THSD4: variants seen among roughly 807,000 people sequenced by gnomAD.
The protein encoded by THSD4 is thrombospondin type 1 domain containing 4.
Under a neutral mutation model 119.0 loss-of-function variants are expected in THSD4, and 69 were observed. The ratio of observed to expected loss-of-function variants is 0.58; its 90% confidence interval spans 0.48 to 0.71. The LOEUF (loss-of-function observed/expected upper bound fraction) is 0.71, where lower values mean the gene tolerates loss of function less well. Ranked by LOEUF, THSD4 falls within the 30% of genes least tolerant of loss-of-function variation. THSD4 has a pLI of 0.00. For missense variants in THSD4, 1,393 were observed against 1,391.1 expected, an observed-to-expected ratio of 1.00 and a Z score of -0.02; for synonymous variants, 524 against 540.4, an observed-to-expected ratio of 0.97 and a Z score of 0.42.
chr15:71,117,174 G>A (rs1395214378), intron 1 of THSD4, among the ~76,000 whole-genome samples: 1 of 152,168 alleles, frequency 6.6e-6, no homozygotes, highest in African/African-American at 2.4e-5. Flanking sequence ...TGGAACTCAT[G>A]TGATCTCCTC....
chr15:71,548,015 T>A (rs1250853252), intron 7 of THSD4, among the ~76,000 whole-genome samples: 2 of 152,118 alleles, frequency 1.3e-5, no homozygotes, highest in African/African-American at 2.4e-5. Context: ...TGTACCCAGA[T>A]GTACCTTAGC....
At chr15:71,380,654 C>T (rs1479364477) in intron 6 of THSD4, among the ~76,000 whole-genome samples, 2 of 152,072 alleles carry the variant, frequency 1.3e-5, no homozygotes, top group Non-Finnish European at 2.9e-5. Context: ...ATCATAGCCC[C>T]TGTTTTGGTT....
intron 7 of THSD4, among the ~76,000 whole-genome samples, chr15:71,659,751 C>T (rs776097045): frequency 4.6e-5 from 7 of 152,134 alleles, no homozygotes; most frequent in Admixed American, 1.3e-4. Flanking sequence ...ATGGTCCCAA[C>T]GGAAACATGA....
chr15:71,666,445 A>C (rs897773201), intron 8 of THSD4, among the ~76,000 whole-genome samples: 1 of 151,958 alleles, frequency 6.6e-6, no homozygotes, highest in South Asian at 2.1e-4. Flanking sequence ...CCCCTAAGTT[A>C]TTTTTCCTGA....
At chr15:71,768,207 T>C (rs1393129283) in intron 16 of THSD4, among the ~76,000 whole-genome samples, 1 of 151,978 alleles carries the variant, frequency 6.6e-6, no homozygotes, top group African/African-American at 2.4e-5. Context: ...GATCTGAGCA[T>C]TGCACATCAG....
intron 7 of THSD4, among the ~76,000 whole-genome samples, chr15:71,513,809 T>C (rs1283196658): frequency 6.6e-6 from 1 of 152,158 alleles, no homozygotes; most frequent in Non-Finnish European, 1.5e-5. Context: ...AATAGATAAG[T>C]TGTGGCTTCT....
At chr15:71,315,768 T>A (rs766522526) in intron 6 of THSD4, among the ~76,000 whole-genome samples, 1 of 152,196 alleles carries the variant, frequency 6.6e-6, no homozygotes, top group Admixed American at 6.5e-5. Context: ...CTGTCCTTGC[T>A]GTGAAGGAGG....
At chr15:71,322,195 C>G (rs548041663) in intron 6 of THSD4, among the ~76,000 whole-genome samples, 1 of 152,230 alleles carries the variant, frequency 6.6e-6, no homozygotes, top group South Asian at 2.1e-4. Context: ...CCCTTGGTCT[C>G]CTGATTTGTA....
At chr15:71,291,781 A>C (rs1196179293) in intron 6 of THSD4, among the ~76,000 whole-genome samples, 1 of 152,162 alleles carries the variant, frequency 6.6e-6, no homozygotes, top group East Asian at 1.9e-4. Context: ...TCTGACATCT[A>C]TCCATTTTTC....
intron 6 of THSD4, among the ~76,000 whole-genome samples, chr15:71,310,714 G>C (rs1237317000): frequency 6.6e-6 from 1 of 152,134 alleles, no homozygotes; most frequent in East Asian, 1.9e-4. Context: ...ACACAGAAAA[G>C]CATTGGGAAA....
At chr15:71,512,572 G>GT (rs376230941) in intron 7 of THSD4, among the ~76,000 whole-genome samples, 205 of 152,274 alleles carry the variant, frequency 1.3e-3, no homozygotes, top group African/African-American at 4.8e-3. Context: ...AAAACCACGG[G>GT]TTTTTAAGTT....
At chr15:71,239,681 A>G (rs185624791) in intron 4 of THSD4, among the ~76,000 whole-genome samples, 84 of 152,320 alleles carry the variant, frequency 5.5e-4, no homozygotes, top group Non-Finnish European at 1.0e-3. Flanking sequence ...CTGGGCGCCT[A>G]CCACATGATT....
chr15:71,299,087 C>T (rs935697834), intron 6 of THSD4, among the ~76,000 whole-genome samples: 2 of 152,230 alleles, frequency 1.3e-5, no homozygotes, highest in Middle Eastern at 3.4e-3. Context: ...GGAACAATAA[C>T]CACATAGCAG....
At chr15:71,738,051 G>A (rs2053156801) in intron 11 of THSD4, 44 bp downstream of exon 11, 2 of 1,605,800 alleles carry the variant, frequency 1.2e-6, no homozygotes, top group South Asian at 1.1e-5. Context: ...AGAACCCTAA[G>A]CAAGGAGTGT....
Position 71,765,778 on chromosome 15 carries a change from C to T in THSD4, c.2769+579C>T, listed in dbSNP as rs761923607. ...AATTACTACATTACACAAACACACA[C>T]GCACACACTCTCTGTGTGTGTGTGT... On this transcript the variant is annotated intron_variant, in intron 16 of 17. Transcript: ENST00000261862. 1.1e-4 allele frequency among the ~76,000 whole-genome samples: 15 copies of T among 135,560 alleles called. 1 individual carries two copies. In the South Asian group the frequency reaches 1.5e-3, roughly 14 times the overall value. 88.9% of individuals were successfully genotyped at this position (135,560 alleles called of 152,430 possible). A position where few individuals can be genotyped will look rare whatever the true frequency, so the allele number is the denominator to read the frequency against.
In THSD4 at chr15:71,765,206, C is replaced by T. The variant is rs781200881; in HGVS notation, c.2769+7C>T. The T allele has an allele frequency of 3.7e-6, 6 of 1,612,630 alleles. No individual in the cohort carries two copies. Among genetic ancestry groups the T allele is most frequent in the Non-Finnish European group, 5.1e-6 (6 of 1,179,206 alleles). ...TAGCACCGAATGGAGCATGGTAAGT[C>T]ATGGTGCTCTTGATGGAGGTTGCAT... On this transcript the variant is annotated splice_region_variant and intron_variant, in intron 16 of 17. Transcript: ENST00000261862.
At chr15:71,624,785 G>GA (rs2050478726) in intron 7 of THSD4, among the ~76,000 whole-genome samples, 1 of 152,172 alleles carries the variant, frequency 6.6e-6, no homozygotes, top group Non-Finnish European at 1.5e-5. Context: ...GACCCTGTCA[G>GA]CCTTGCCTGC....
chr15:71,772,637 G>GT (rs560602626), intron 17 of THSD4, among the ~76,000 whole-genome samples: 178 of 152,216 alleles, frequency 1.2e-3, no homozygotes, highest in Non-Finnish European at 2.1e-3. Context: ...AGTAATTGTG[G>GT]TTTTTGCCAT....
chr15:71,172,112 G>T (rs2043371521), intron 3 of THSD4: 1 of 152,002 alleles, frequency 6.6e-6, no homozygotes, highest in African/African-American at 2.4e-5. Context: ...GATCACCTGA[G>T]GTCAGGAGTT....
Sources: gnomAD v4.1 joint callset for allele counts (sites outside exome capture counted in the v4.1 genomes callset) on GRCh38, gnomAD v4.1.1 for gene constraint, MANE v1.5 for transcripts, NCBI Gene and HGNC (gene_info 2026-07-23, HGNC 2026-07-21) for gene names.